RARB: variants seen among roughly 807,000 people sequenced by gnomAD.
The protein encoded by RARB is HBV-activated protein.
In RARB, 17 loss-of-function variants were observed where a neutral mutation model predicts 51.9. That is an observed-to-expected ratio of 0.33 (90% CI 0.22 to 0.49). RARB has a LOEUF of 0.49. RARB is among the 20% of genes least tolerant of loss of function. The pLI is 0.99. For missense variants in RARB, 369 were observed against 550.8 expected, an observed-to-expected ratio of 0.67 and a Z score of 3.30; for synonymous variants, 215 against 195.4, an observed-to-expected ratio of 1.10 and a Z score of -0.84.
chr3:25,391,114 A>G (rs532091072), intron 5 of RARB, among the ~76,000 whole-genome samples: 1 of 152,144 alleles, frequency 6.6e-6, no homozygotes, highest in African/African-American at 2.4e-5. Context: ...TCCTCATAGC[A>G]TAGCTCCTAC....
At chr3:25,433,818 A>G (rs1232536710) in intron 1 of RARB, among the ~76,000 whole-genome samples, 8 of 152,208 alleles carry the variant, frequency 5.3e-5, no homozygotes. Flanking sequence ...ATTAAAAAGC[A>G]TGATCTCTGT....
intron 1 of RARB, among the ~76,000 whole-genome samples, chr3:25,458,894 C>T (rs181857955): frequency 6.6e-6 from 1 of 152,080 alleles, no homozygotes; most frequent in East Asian, 1.9e-4. Flanking sequence ...CTTAGAGGGA[C>T]TCTTAGTGCT....
At chr3:24,924,865 G>T (rs1348304356) in intron 2 of RARB, among the ~76,000 whole-genome samples, 2 of 152,094 alleles carry the variant, frequency 1.3e-5, no homozygotes, top group African/African-American at 4.8e-5. Context: ...GTGCTGTAAA[G>T]AGCATAGATG....
chr3:25,424,698 G>A (rs1001064187), upstream of RARB, among the ~76,000 whole-genome samples: 8 of 152,134 alleles, frequency 5.3e-5, no homozygotes, highest in Admixed American at 2.6e-4. Flanking sequence ...ATATGTCTGC[G>A]CCTCTGAAAA....
At chr3:25,039,766 G>C (rs1308752065) in intron 2 of RARB, among the ~76,000 whole-genome samples, 2 of 152,188 alleles carry the variant, frequency 1.3e-5, no homozygotes, top group Admixed American at 6.5e-5. Flanking sequence ...GAAGTCCCCA[G>C]TGTGAAGAGC....
At chr3:25,089,027 AG>A (rs1699151076) in intron 3 of RARB, among the ~76,000 whole-genome samples, 1 of 152,024 alleles carries the variant, frequency 6.6e-6, no homozygotes, top group Non-Finnish European at 1.5e-5. Context: ...TAATTGAGTA[AG>A]AGTCTGTGAA....
intron 3 of RARB, among the ~76,000 whole-genome samples, chr3:25,520,225 A>G (rs555259807): frequency 1.3e-4 from 20 of 152,306 alleles, no homozygotes; most frequent in Middle Eastern, 3.4e-3. Context: ...AAAATTTTCT[A>G]TTCTAATTCA....
intron 2 of RARB, among the ~76,000 whole-genome samples, chr3:24,985,663 A>C (rs558432974): frequency 2.0e-5 from 3 of 152,348 alleles, no homozygotes; most frequent in East Asian, 1.9e-4. Flanking sequence ...GGTTTGGAAA[A>C]AAACAAACGT....
At chr3:25,371,156 T>G (rs1706286959) in intron 5 of RARB, among the ~76,000 whole-genome samples, 2 of 152,174 alleles carry the variant, frequency 1.3e-5, no homozygotes, top group Admixed American at 6.5e-5. Context: ...TAACCCCTAA[T>G]GCAACAGTGT....
chr3:24,839,703 CAA>C (rs767810064), intron 1 of RARB, among the ~76,000 whole-genome samples: 103 of 38,214 alleles, frequency 2.7e-3, no homozygotes, highest in African/African-American at 0.01. Context: ...GACGCTGTCT[CAA>C]AAAAAAAAAA....
At chr3:25,169,997 AAAAAAAAAAAAG>A (rs1320093690) in intron 4 of RARB, among the ~76,000 whole-genome samples, 8 of 35,260 alleles carry the variant, frequency 2.3e-4, no homozygotes, top group East Asian at 4.4e-3. Context: ...CTTAAAAAAA[AAAAAAAAAAAAG>A]AAAGAAAAAA....
chr3:25,311,425 C>T (rs1016358294), intron 5 of RARB, among the ~76,000 whole-genome samples: 40 of 152,208 alleles, frequency 2.6e-4, no homozygotes, highest in Non-Finnish European at 8.8e-5. Context: ...TCATATCCTC[C>T]TCAAAGAGGC....
intron 5 of RARB, among the ~76,000 whole-genome samples, chr3:25,323,695 C>T (rs1704633412): frequency 6.6e-6 from 1 of 152,116 alleles, no homozygotes; most frequent in African/African-American, 2.4e-5. Flanking sequence ...TAATGAAGGG[C>T]CACACATTTT....
intron 2 of RARB, among the ~76,000 whole-genome samples, chr3:24,969,790 T>A (rs1325762049): frequency 6.6e-6 from 1 of 152,112 alleles, no homozygotes; most frequent in Non-Finnish European, 1.5e-5. Context: ...GTGGAGAAGA[T>A]GTTTCCTCAG....
chr3:25,235,998 A>G (rs1156290919), intron 5 of RARB, among the ~76,000 whole-genome samples: 1 of 152,146 alleles, frequency 6.6e-6, no homozygotes, highest in African/African-American at 2.4e-5. Context: ...TTAAACCTCA[A>G]GTCTATATAT....
intron 2 of RARB, among the ~76,000 whole-genome samples, chr3:24,954,908 T>G (rs1319191805): frequency 6.6e-6 from 1 of 152,026 alleles, no homozygotes; most frequent in Non-Finnish European, 1.5e-5. Context: ...CAGGGGAGTG[T>G]TTTGGGGCTC....
intron 2 of RARB, among the ~76,000 whole-genome samples, chr3:24,926,436 A>G (rs191065461): frequency 6.6e-6 from 1 of 152,244 alleles, no homozygotes; most frequent in Admixed American, 6.6e-5. Context: ...AGTTCAATTG[A>G]AGAGAGATTG....
intron 2 of RARB, among the ~76,000 whole-genome samples, chr3:25,050,721 C>G (rs946867233): frequency 6.6e-5 from 10 of 152,146 alleles, no homozygotes; most frequent in African/African-American, 2.4e-4. Context: ...TTAACTCTTT[C>G]ATGTCACATT....
At chr3:25,409,104 G>A (rs771647022) in intron 5 of RARB, among the ~76,000 whole-genome samples, 5 of 152,110 alleles carry the variant, frequency 3.3e-5, no homozygotes, top group Non-Finnish European at 7.4e-5. Context: ...CAGTGCCAAC[G>A]CAGCAAGTAC....
Sources: gnomAD v4.1 joint callset for allele counts (sites outside exome capture counted in the v4.1 genomes callset) on GRCh38, gnomAD v4.1.1 for gene constraint, MANE v1.5 for transcripts, NCBI Gene and HGNC (gene_info 2026-07-23, HGNC 2026-07-21) for gene names.